C12orf43: variants seen among roughly 807,000 people sequenced by gnomAD.
C12orf43 encodes chromosome 12 open reading frame 43, also known as protein CUSTOS.
A neutral mutation model predicts 20.6 loss-of-function variants in C12orf43; 15 were observed. The ratio of observed to expected loss-of-function variants is 0.73; its 90% confidence interval spans 0.49 to 1.12. The LOEUF (loss-of-function observed/expected upper bound fraction) is 1.12. C12orf43 is among the 50% of genes most tolerant of loss of function. The pLI is 0.00. For synonymous variants in C12orf43, 144 were observed against 130.8 expected, an observed-to-expected ratio of 1.10 and a Z score of -0.69; for missense variants, 334 against 344.4, an observed-to-expected ratio of 0.97 and a Z score of 0.24.
chr12:121,008,704 T>C (rs142203454), intron 3 of C12orf43, among the ~76,000 whole-genome samples: 53 of 152,360 alleles, frequency 3.5e-4, no homozygotes, highest in African/African-American at 1.2e-3. Flanking sequence ...CATCATTCTG[T>C]CTCAGAAGAA....
chr12:121,009,976 C>T (rs925888952), intron 3 of C12orf43, among the ~76,000 whole-genome samples: 8 of 152,180 alleles, frequency 5.3e-5, no homozygotes, highest in Non-Finnish European at 1.2e-4. Context: ...TCCTCTCTTA[C>T]TCTCATGGTT....
chr12:121,014,319 G>A (rs1419614249), intron 1 of C12orf43, among the ~76,000 whole-genome samples: 3 of 151,596 alleles, frequency 2.0e-5, no homozygotes, highest in Middle Eastern at 3.5e-3. Flanking sequence ...GTAACAGAGC[G>A]AGACTGCGTC....
At chr12:121,011,461 A>G (rs1444233152) in intron 1 of C12orf43, among the ~76,000 whole-genome samples, 1 of 148,424 alleles carries the variant, frequency 6.7e-6, no homozygotes, top group Non-Finnish European at 1.5e-5. Context: ...AAAACTTAAA[A>G]TAGTTATATA....
chr12:121,010,452 G>A (rs1457070325), intron 3 of C12orf43, among the ~76,000 whole-genome samples: 1 of 152,182 alleles, frequency 6.6e-6, no homozygotes, highest in Non-Finnish European at 1.5e-5. Context: ...GCCTCTCTGA[G>A]CCTCAGTTAC....
intron 1 of C12orf43, among the ~76,000 whole-genome samples, chr12:121,015,192 C>T (rs1227839979): frequency 6.6e-6 from 1 of 152,074 alleles, no homozygotes. Flanking sequence ...AAGTTCCCAC[C>T]GCTAATGAGA....
rs970190484 is a variant in C12orf43 at position 121,001,659 on chromosome 12, T to C, written c.*2494A>G. On this transcript the variant is annotated 3_prime_UTR_variant, in exon 6 of 6. Coordinates refer to ENST00000288757, the MANE Select transcript of C12orf43 (RefSeq NM_022895.3). ...CAGCGTGGCCTTGTTCTGTCACCAA[T>C]GTACCCACCGGGCCACTCCTTCCTG... 7 of 457,040 alleles carry C rather than the reference T, an allele frequency of 1.5e-5. No homozygotes were observed. The highest frequency in any genetic ancestry group is 2.9e-5 in the Non-Finnish European group (7 of 237,456). The allele number at this position is 457,040 out of a possible 1,614,324, so 28.3% of individuals were successfully genotyped here. A position where few individuals can be genotyped will look rare whatever the true frequency, so the allele number is the denominator to read the frequency against.
rs758036637 is a variant in C12orf43, at chr12:121,004,733, A to G, written c.453-244T>C. Among the ~76,000 whole-genome samples the G allele has an allele frequency of 5.3e-5, 8 of 152,160 alleles. No homozygotes were observed. The highest frequency in any genetic ancestry group is 8.8e-5 in the Non-Finnish European group (6 of 68,028). ...TATCATCTCTAAAACGGGGATCTTA[A>G]CAGAGTCCAGGCCTCCCAGGGATGT... On this transcript the variant is annotated intron_variant, in intron 5 of 5. Coordinates refer to ENST00000288757, the MANE Select transcript of C12orf43 (RefSeq NM_022895.3). The surrounding 1 kb of genome is among the most constrained non-coding windows in gnomAD (Gnocchi z 5.6).
rs1012927949 is a variant in C12orf43 at position 121,005,247 on chromosome 12, GAC to G, written c.362-156_362-155del. Among the ~76,000 whole-genome samples the G allele has an allele frequency of 2.2e-4, 33 of 150,708 alleles. No individual in the cohort carries two copies. The highest frequency in any genetic ancestry group is 1.1e-3 in the Admixed American group (17 of 15,156). On this transcript the variant is annotated intron_variant, in intron 4 of 5. Coordinates refer to ENST00000288757, the MANE Select transcript of C12orf43 (RefSeq NM_022895.3). The surrounding 1 kb of genome is among the most constrained non-coding windows in gnomAD (Gnocchi z 5.6). ...AGAAACAAAAAAAAAATTTTAAGAA[GAC>G]ACAAAATAAAAAAATTTAAAAAAGA... is the stretch of plus-strand genomic sequence containing the variant.
rs74899847 is a variant in C12orf43, at chr12:121,001,048, C to T, written c.*3105G>A. 1 of 1,612,636 alleles carries T rather than the reference C, an allele frequency of 6.2e-7. No homozygotes were observed. Among genetic ancestry groups the T allele is most frequent in the South Asian group, 1.1e-5 (1 of 91,070 alleles). On this transcript the variant is annotated 3_prime_UTR_variant, in exon 6 of 6. Transcript: ENST00000288757. ...GGGTGCCTGGTGGGTGGCTAGCAGC[C>T]TTGTTTGCCTCTGCAGTGTCCTCCA...
At chr12:121,012,037 G>GA in intron 1 of C12orf43, among the ~76,000 whole-genome samples, 1 of 152,128 alleles carries the variant, frequency 6.6e-6, no homozygotes, top group Non-Finnish European at 1.5e-5. Context: ...TAAGTGTATG[G>GA]AAAAAAACGG....
chr12:121,010,247 G>C (rs978067709), intron 3 of C12orf43, among the ~76,000 whole-genome samples: 2 of 152,258 alleles, frequency 1.3e-5, no homozygotes, highest in African/African-American at 4.8e-5. Context: ...AGGCTGCAGT[G>C]AGCCAAGATT....
intron 3 of C12orf43, 182 bp from the exon 4 acceptor site, chr12:121,006,576 T>G (rs1409977519): frequency 5.1e-6 from 3 of 592,766 alleles, no homozygotes; most frequent in African/African-American, 3.7e-5. Flanking sequence ...CCACGCGAAC[T>G]GCAGTGCTTC....
In C12orf43 at chr12:121,004,938, G is replaced by A. The variant is rs746603249; in HGVS notation, c.452+65C>T. 4 of 1,239,714 alleles carry A rather than the reference G, an allele frequency of 3.2e-6. No homozygotes were observed. Among genetic ancestry groups the A allele is most frequent in the Non-Finnish European group, 4.3e-6 (4 of 928,716 alleles). 76.8% of individuals were successfully genotyped at this position (1,239,714 alleles called of 1,614,324 possible). ...GACTGGAGTCTGCTTGGCTATTCCA[G>A]GGAACCCACCAAGACAGAAGAGGAG... On this transcript the variant is annotated intron_variant, in intron 5 of 5. Coordinates refer to ENST00000288757, the MANE Select transcript of C12orf43 (RefSeq NM_022895.3). This position sits in a 1 kb window ranked among gnomAD's most constrained non-coding sequence, Gnocchi z 5.6.
chr12:121,003,929 GCA>G lies in C12orf43; in HGVS notation c.*222_*223del. 1.7e-6 allele frequency: 1 copy of G among 599,008 alleles called. No homozygotes were observed. The highest frequency in any genetic ancestry group is 2.0e-5 in the South Asian group (1 of 49,806). 37.1% of individuals were successfully genotyped at this position (599,008 alleles called of 1,614,324 possible). A position where few individuals can be genotyped will look rare whatever the true frequency, so the allele number is the denominator to read the frequency against. Reference sequence around the variant, plus strand: ...GCGCCCCCGCCAGCCCTCCGTGGGAGCACAGAGGGGCAGGCCTTGATTGGTCT... The same window carrying G: ...GCGCCCCCGCCAGCCCTCCGTGGGAGCAGAGGGGCAGGCCTTGATTGGTCT... On this transcript the variant is annotated 3_prime_UTR_variant, in exon 6 of 6. Coordinates refer to ENST00000288757, the MANE Select transcript of C12orf43 (RefSeq NM_022895.3).
rs764531413 is a variant in C12orf43 at position 121,004,426 on chromosome 12, T to C, written c.516A>G (p.Leu172=). Residue 172 remains leucine (L), a synonymous_variant, in exon 6 of 6, where the codon CTA becomes CTG. Transcript: ENST00000288757. The surrounding 1 kb of genome is among the most constrained non-coding windows in gnomAD (Gnocchi z 5.6). ...REAAVSASDI[L]QESAIHSPGT... ...CAGGGCTGTGGATGGCTGACTCCTG[T>C]AGGATGTCGGACGCCGACACAGCTG... The C allele has an allele frequency of 2.5e-6, 4 of 1,613,604 alleles. No individual in the cohort carries two copies. The African/African-American group carries it at 5.3e-5, about 22-fold the overall frequency.
Position 121,004,332 on chromosome 12 carries a change from C to A in C12orf43, c.610G>T (p.Asp204Tyr). The change falls in exon 6 of 6, where the codon GAC becomes TAC. Residue 204 changes from aspartate (D) to tyrosine (Y), a missense_variant. By Grantham distance (160) the Asp-to-Tyr change is radical. Coordinates refer to ENST00000288757, the MANE Select transcript of C12orf43 (RefSeq NM_022895.3). This position sits in a 1 kb window ranked among gnomAD's most constrained non-coding sequence, Gnocchi z 5.6. Reference protein sequence around the residue: ...KKKAKKVASVDSAVAATTPTS... With the variant: ...KKKAKKVASVYSAVAATTPTS... ...GGGGTGGTGGCAGCGACAGCCGAGT[C>A]GACACTGGCCACCTTCTTGGCTTTC... is the stretch of plus-strand genomic sequence containing the variant. 6.2e-7 allele frequency: 1 copy of A among 1,614,204 alleles called. No homozygotes were observed. The highest frequency in any genetic ancestry group is 8.5e-7 in the Non-Finnish European group (1 of 1,180,038).
In C12orf43 at chr12:121,004,185, C is replaced by T. The variant is rs749749176; in HGVS notation, c.757G>A (p.Ala253Thr). The change falls in exon 6 of 6, where the codon GCA becomes ACA. Residue 253 changes from alanine (A) to threonine (T), a missense_variant. By Grantham distance (58) the Ala-to-Thr change is moderately conservative (BLOSUM62 0). Transcript: ENST00000288757. This position sits in a 1 kb window ranked among gnomAD's most constrained non-coding sequence, Gnocchi z 5.6. Reference sequence around the variant, plus strand: ...GCAGGTATAGCTGTAGCACTCTTTGCTGGTGGGAATGGAGAGGTCTCGCTG... The same window carrying T: ...GCAGGTATAGCTGTAGCACTCTTTGTTGGTGGGAATGGAGAGGTCTCGCTG... ...KASETSPFPP[A>T]KSATAIPAN The T allele has an allele frequency of 5.6e-6, 9 of 1,614,064 alleles. No homozygotes were observed. The highest frequency in any genetic ancestry group is 1.7e-5 in the Admixed American group (1 of 60,004).
chr12:121,008,050 C>T (rs187050024), intron 3 of C12orf43, among the ~76,000 whole-genome samples: 36 of 151,996 alleles, frequency 2.4e-4, no homozygotes, highest in African/African-American at 5.8e-4. Flanking sequence ...TAGACCCCCA[C>T]GACAAATGCT....
In C12orf43 at chr12:121,002,079, T is replaced by C; in HGVS notation, c.*2074A>G. On this transcript the variant is annotated 3_prime_UTR_variant, in exon 6 of 6. Coordinates refer to ENST00000288757, the MANE Select transcript of C12orf43 (RefSeq NM_022895.3). Reference sequence around the variant, plus strand: ...CTCGAGCGCCCTGCAGACCCTGCCCTTGTTTGGGGCAGGAGTAGCTGAGCT... The same window carrying C: ...CTCGAGCGCCCTGCAGACCCTGCCCCTGTTTGGGGCAGGAGTAGCTGAGCT... 1 of 536,022 alleles carries C rather than the reference T, an allele frequency of 1.9e-6. No homozygotes were observed. Among genetic ancestry groups the C allele is most frequent in the Non-Finnish European group, 3.6e-6 (1 of 276,366 alleles). The allele number at this position is 536,022 out of a possible 1,614,324, so 33.2% of individuals were successfully genotyped here.
Sources: gnomAD v4.1 joint callset for allele counts (sites outside exome capture counted in the v4.1 genomes callset) on GRCh38, gnomAD v4.1.1 for gene constraint, Gnocchi (gnomAD v3.1) non-coding constraint, MANE v1.5 for transcripts, NCBI Gene and HGNC (gene_info 2026-07-23, HGNC 2026-07-21) for gene names.